KIF16B: variants seen among roughly 807,000 people sequenced by gnomAD.
The protein encoded by KIF16B is kinesin family member 16B.
A neutral mutation model predicts 156.3 loss-of-function variants in KIF16B; 98 were observed. The ratio of observed to expected loss-of-function variants is 0.63; its 90% CI spans 0.53 to 0.74. The LOEUF (loss-of-function observed/expected upper bound fraction) is 0.74, where lower values mean the gene tolerates loss of function less well. Ranked by LOEUF, KIF16B falls within the 30% of genes least tolerant of loss-of-function variation. KIF16B has a pLI of 0.00. For missense variants in KIF16B, 1,421 were observed against 1,606.5 expected (o/e 0.88, Z 1.97); for synonymous variants, 564 against 583.7 (o/e 0.97, Z 0.49).
At chr20:16,430,946 C>G (rs59088195) in intron 12 of KIF16B, among the ~76,000 whole-genome samples, 15,343 of 151,072 alleles carry the variant, frequency 0.1, 1,556 homozygotes, top group African/African-American at 0.26. Context: ...AAACAAAAAA[C>G]AAAAAACAAA....
intron 1 of KIF16B, among the ~76,000 whole-genome samples, chr20:16,551,132 C>CTTTT (rs11474777): frequency 5.0e-5 from 7 of 139,134 alleles, no homozygotes; most frequent in African/African-American, 1.3e-4. Flanking sequence ...GCTTTCTCTT[C>CTTTT]TTTTTTTTTT....
At chr20:16,342,617 C>G (rs1447379139) in intron 23 of KIF16B, among the ~76,000 whole-genome samples, 1 of 152,110 alleles carries the variant, frequency 6.6e-6, no homozygotes, top group Non-Finnish European at 1.5e-5. Context: ...GGTGCACTCT[C>G]AATATATTTG....
At chr20:16,282,275 T>A (rs1269141816) in intron 25 of KIF16B, among the ~76,000 whole-genome samples, 1 of 151,770 alleles carries the variant, frequency 6.6e-6, no homozygotes, top group East Asian at 2.0e-4. Flanking sequence ...TCAGCTGATA[T>A]GCCCGCCTCA....
intron 24 of KIF16B, among the ~76,000 whole-genome samples, chr20:16,321,569 C>T (rs1466239885): frequency 3.3e-5 from 5 of 152,082 alleles, no homozygotes; most frequent in Admixed American, 2.0e-4. Flanking sequence ...TCTCCCTACA[C>T]AGCGTTAGAA....
At chr20:16,382,448 G>A (rs1232329679) in intron 17 of KIF16B, among the ~76,000 whole-genome samples, 1 of 152,112 alleles carries the variant, frequency 6.6e-6, no homozygotes, top group African/African-American at 2.4e-5. Flanking sequence ...CTACTTTATA[G>A]ATAGTTATAC....
intron 9 of KIF16B, 86 bp downstream of exon 9, chr20:16,505,636 T>G (rs1364768681): frequency 8.0e-7 from 1 of 1,243,248 alleles, no homozygotes; most frequent in African/African-American, 1.5e-5. Flanking sequence ...AGGTGCTATT[T>G]CCTAATAAGA....
intron 15 of KIF16B, among the ~76,000 whole-genome samples, chr20:16,408,630 G>T (rs2146287388): frequency 6.6e-6 from 1 of 152,134 alleles, no homozygotes; most frequent in Admixed American, 6.6e-5. Flanking sequence ...AAATAGAATG[G>T]TATTTCAGAG....
intron 25 of KIF16B, among the ~76,000 whole-genome samples, chr20:16,298,337 C>G (rs1404552509): frequency 6.6e-6 from 1 of 152,216 alleles, no homozygotes; most frequent in African/African-American, 2.4e-5. Flanking sequence ...TGTCTCTGCT[C>G]CATTAGAATT....
rs201539410 is a variant in KIF16B, at chr20:16,379,438, T to C, written c.2564A>G (p.Gln855Arg). Residue 855 changes from glutamine (Q) to arginine (R), a missense_variant, in exon 19 of 26, where the codon CAA (glutamine) becomes CGA (arginine). Gln to Arg is a conservative substitution (Grantham distance 43). Coordinates refer to ENST00000354981, the MANE Select transcript of KIF16B (RefSeq NM_024704.5). ...QQKDILKKEV[Q>R]EEQEILECLK... ...ACACTCTAGGATCTCCTGTTCTTCT[T>C]GGACTTCTTTTTTCAGGATGTCTTT... 115 of 1,613,434 alleles carry C rather than the reference T, an allele frequency of 7.1e-5. 1 individual carries two copies. In the Middle Eastern group the frequency reaches 1.8e-3, roughly 25 times the overall value.
intron 17 of KIF16B, among the ~76,000 whole-genome samples, chr20:16,399,165 C>G (rs2065587222): frequency 6.6e-6 from 1 of 152,180 alleles, no homozygotes; most frequent in South Asian, 2.1e-4. Flanking sequence ...CTCCGCACTT[C>G]TCAGCAGGGC....
intron 18 of KIF16B, 80 bp downstream of exon 18, chr20:16,381,614 C>A: frequency 9.6e-7 from 1 of 1,038,752 alleles, no homozygotes; most frequent in Non-Finnish European, 1.4e-6. Flanking sequence ...TTGAAGCAGA[C>A]ACAGATGGAA....
chr20:16,465,535 C>G (rs546489395), intron 12 of KIF16B, among the ~76,000 whole-genome samples: 1 of 152,196 alleles, frequency 6.6e-6, no homozygotes, highest in Non-Finnish European at 1.5e-5. Flanking sequence ...GCTATATCCA[C>G]GCACATTCCT....
intron 18 of KIF16B, among the ~76,000 whole-genome samples, chr20:16,381,449 G>T (rs1485654762): frequency 6.6e-6 from 1 of 150,436 alleles, no homozygotes; most frequent in Non-Finnish European, 1.5e-5. Context: ...TTTGCCTACT[G>T]ACTCTATTTC....
At chr20:16,523,050 A>G (rs970411580) in intron 3 of KIF16B, among the ~76,000 whole-genome samples, 4 of 152,220 alleles carry the variant, frequency 2.6e-5, no homozygotes, top group Admixed American at 6.5e-5. Flanking sequence ...AATAACAGCT[A>G]TTTATGACAA....
chr20:16,492,836 G>A (rs1440934302), intron 12 of KIF16B, among the ~76,000 whole-genome samples: 1 of 151,744 alleles, frequency 6.6e-6, no homozygotes, highest in African/African-American at 2.4e-5. Context: ...TTTTCCTTAA[G>A]TAAAGTAGAT....
chr20:16,573,022 T>C (rs1217486999), intron 1 of KIF16B, among the ~76,000 whole-genome samples: 1 of 152,152 alleles, frequency 6.6e-6, no homozygotes, highest in African/African-American at 2.4e-5. Flanking sequence ...ATCTTCTCCT[T>C]TACCACCAGG....
chr20:16,366,943 T>G, intron 22 of KIF16B: 2 of 1,250,472 alleles, frequency 1.6e-6, no homozygotes, highest in African/African-American at 3.1e-5. Flanking sequence ...ATAAAGATAT[T>G]TTATTGGGGC....
chr20:16,528,917 T>A (rs1045695985), intron 1 of KIF16B, among the ~76,000 whole-genome samples: 2 of 152,148 alleles, frequency 1.3e-5, no homozygotes, highest in African/African-American at 4.8e-5. Context: ...GTTCAGAAAC[T>A]GCATTTCTCA....
intron 15 of KIF16B, among the ~76,000 whole-genome samples, chr20:16,410,299 A>G (rs555756148): frequency 0.017 from 2,379 of 141,498 alleles, 90 homozygotes; most frequent in African/African-American, 0.058. Flanking sequence ...CTACATATAT[A>G]TGTGTGTGTG....
Sources: gnomAD v4.1 joint callset for allele counts (sites outside exome capture counted in the v4.1 genomes callset) on GRCh38, gnomAD v4.1.1 for gene constraint, MANE v1.5 for transcripts, NCBI Gene and HGNC (gene_info 2026-07-23, HGNC 2026-07-21) for gene names.